RERE: variants seen among roughly 807,000 people sequenced by gnomAD.
RERE encodes the protein arginine-glutamic acid dipeptide repeats.
Under a neutral mutation model 146.1 loss-of-function variants are expected in RERE, and 40 were observed. The ratio of observed to expected loss-of-function variants is 0.27; its 90% CI spans 0.21 to 0.36. RERE has a LOEUF of 0.36. Ranked by LOEUF, RERE falls within the 10% of genes least tolerant of loss-of-function variation. RERE has a pLI of 1.00. For synonymous variants in RERE, 1,003 were observed against 866.0 expected, an observed-to-expected ratio of 1.16 and a Z score of -2.78; for missense variants, 1,933 against 2,138.7, an observed-to-expected ratio of 0.90 and a Z score of 1.90.
intron 7 of RERE, among the ~76,000 whole-genome samples, chr1:8,519,364 T>C (rs1188171409): frequency 6.6e-6 from 1 of 152,130 alleles, no homozygotes; most frequent in East Asian, 1.9e-4. Flanking sequence ...CCCAGGAGTT[T>C]TGAGGTTGCA....
intron 4 of RERE, among the ~76,000 whole-genome samples, chr1:8,577,792 G>A (rs988226154): frequency 5.3e-5 from 8 of 152,134 alleles, no homozygotes; most frequent in African/African-American, 9.7e-5. Flanking sequence ...GGCTGGACAT[G>A]CACTTTAAAA....
At chr1:8,465,695 T>A in intron 11 of RERE, 1 of 618,358 alleles carries the variant, frequency 1.6e-6, no homozygotes, top group South Asian at 1.5e-5. Flanking sequence ...TTTCTTTCCA[T>A]GAAAGTTGGA....
At chr1:8,609,944 T>C (rs974685575) in intron 4 of RERE, among the ~76,000 whole-genome samples, 3 of 152,072 alleles carry the variant, frequency 2.0e-5, no homozygotes, top group African/African-American at 7.2e-5. Flanking sequence ...AATTTTTCAT[T>C]TTTTCGCAGA....
At chr1:8,561,227 T>C (rs1273949054) in intron 4 of RERE, among the ~76,000 whole-genome samples, 2 of 152,206 alleles carry the variant, frequency 1.3e-5, no homozygotes, top group East Asian at 1.9e-4. Context: ...TGCAGTACTA[T>C]GCAATAACCA....
At chr1:8,382,538 T>A (rs1374660774) in intron 12 of RERE, among the ~76,000 whole-genome samples, 2 of 152,228 alleles carry the variant, frequency 1.3e-5, no homozygotes, top group African/African-American at 4.8e-5. Context: ...CAACTGGAGT[T>A]CTTAAAATGA....
chr1:8,769,113 A>C (rs1383698130), intron 1 of RERE, among the ~76,000 whole-genome samples: 1 of 152,218 alleles, frequency 6.6e-6, no homozygotes, highest in Non-Finnish European at 1.5e-5. Flanking sequence ...CACGCAGCCT[A>C]AAATGTTTAC....
rs549791365 is a variant in RERE, at chr1:8,555,182, TGA to T, written c.725+1291_725+1292del. Among the ~76,000 whole-genome samples, 676 of 152,348 alleles carry T rather than the reference TGA, an allele frequency of 4.4e-3. 1 individual carries two copies. The highest frequency in any genetic ancestry group is 0.015 in the African/African-American group (634 of 41,578). On this transcript the variant is annotated intron_variant, in intron 6 of 22. Coordinates refer to ENST00000400908, the MANE Select transcript of RERE (RefSeq NM_001042681.2). ...GGCACACCGCCTGCTTCCTGTGGCC[TGA>T]GAGAAGAGTTTTCCCATTTTTAAAT...
chr1:8,545,982 C>CTTTTTTTTTTTTTTTTTTTTTTTT (rs3050828), intron 6 of RERE, among the ~76,000 whole-genome samples: 2 of 69,480 alleles, frequency 2.9e-5, no homozygotes, highest in African/African-American at 1.2e-4. Context: ...CATACCCAGT[C>CTTTTTTTTTTTTTTTTTTTTTTTT]TTTTTTTTTT....
intron 12 of RERE, among the ~76,000 whole-genome samples, chr1:8,421,251 A>G (rs1643905750): frequency 6.6e-6 from 1 of 152,212 alleles, no homozygotes; most frequent in Non-Finnish European, 1.5e-5. Flanking sequence ...TTTTTTACTC[A>G]GCCAAACCAA....
intron 1 of RERE, among the ~76,000 whole-genome samples, chr1:8,680,737 T>A: frequency 6.6e-6 from 1 of 152,278 alleles, no homozygotes; most frequent in Non-Finnish European, 1.5e-5. Flanking sequence ...GGAAAAGAAT[T>A]GTACCTCCTC....
At chr1:8,416,697 C>G (rs1643783175) in intron 12 of RERE, among the ~76,000 whole-genome samples, 1 of 151,066 alleles carries the variant, frequency 6.6e-6, no homozygotes, top group African/African-American at 2.4e-5. Flanking sequence ...ATTAGAAAAA[C>G]AAAATCAAGC....
chr1:8,448,496 C>T (rs913979263), intron 11 of RERE, among the ~76,000 whole-genome samples: 8 of 152,240 alleles, frequency 5.3e-5, no homozygotes, highest in East Asian at 1.9e-4. Context: ...CAGTGGCTCA[C>T]GCCTGTAATC....
At chr1:8,360,063 C>T (rs758660465) in intron 18 of RERE, 49 bp downstream of exon 18, 3 of 1,586,110 alleles carry the variant, frequency 1.9e-6, no homozygotes, top group East Asian at 2.2e-5. Context: ...GAACTTGCCC[C>T]CACCAGCCCA....
intron 4 of RERE, among the ~76,000 whole-genome samples, chr1:8,613,817 T>A (rs1337410528): frequency 6.6e-6 from 1 of 152,064 alleles, no homozygotes; most frequent in African/African-American, 2.4e-5. Flanking sequence ...AACACTACCA[T>A]TAAATCCTCC....
intron 1 of RERE, among the ~76,000 whole-genome samples, chr1:8,686,565 C>G (rs927706606): frequency 6.6e-6 from 1 of 152,130 alleles, no homozygotes; most frequent in East Asian, 1.9e-4. Context: ...GCCTGGCCAA[C>G]ATGGTGAAAC....
chr1:8,649,757 T>C (rs1647515985), intron 2 of RERE, among the ~76,000 whole-genome samples: 1 of 151,614 alleles, frequency 6.6e-6, no homozygotes, highest in African/African-American at 2.4e-5. Flanking sequence ...TGTATATATA[T>C]TATGGAATAC....
rs74866091 is a variant in RERE at position 8,513,187 on chromosome 1, T to C, written c.831-4512A>G. ...AAATAAAAATAAAAATTACTGAACA[T>C]CCCAAGAAATCTAAATTTTTGAAAA... On this transcript the variant is annotated intron_variant, in intron 7 of 22. Transcript: ENST00000400908. 6.0e-3 allele frequency among the ~76,000 whole-genome samples: 915 copies of C among 152,188 alleles called. 6 individuals carry two copies. Among genetic ancestry groups the C allele is most frequent in the African/African-American group, 0.021 (888 of 41,514 alleles).
chr1:8,420,570 G>A (rs1043451033), intron 12 of RERE, among the ~76,000 whole-genome samples: 2 of 152,184 alleles, frequency 1.3e-5, no homozygotes, highest in African/African-American at 2.4e-5. Context: ...AATACTTACA[G>A]ATTTACCCTA....
At chr1:8,706,173 G>A (rs1230179978) in intron 1 of RERE, among the ~76,000 whole-genome samples, 1 of 146,822 alleles carries the variant, frequency 6.8e-6, no homozygotes, top group Admixed American at 6.8e-5. Context: ...AGCCTAGTAA[G>A]CCAAGAGTGG....
Sources: allele counts gnomAD v4.1 joint callset (sites outside exome capture counted in the v4.1 genomes callset), GRCh38; gene constraint gnomAD v4.1.1; transcripts MANE v1.5; gene names NCBI Gene and HGNC (gene_info 2026-07-23, HGNC 2026-07-21).